PPEF1: variants seen among roughly 807,000 people sequenced by gnomAD.
PPEF1 encodes the protein protein phosphatase with EF-hand domain 1.
A neutral mutation model predicts 53.3 loss-of-function variants in PPEF1; 12 were observed. That is an observed-to-expected ratio of 0.23 (90% CI 0.14 to 0.36). The LOEUF is 0.36. Among genes scored for constraint, PPEF1 ranks in the 10% least tolerant of loss-of-function variants. The pLI is 1.00. For synonymous variants in PPEF1, 165 were observed against 176.7 expected (o/e 0.93, Z 0.52); for missense variants, 334 against 490.4 (o/e 0.68, Z 3.01).
At chrX:18,821,627 G>C (rs2047048717) in intron 13 of PPEF1, among the ~76,000 whole-genome samples, 1 of 110,567 alleles carries the variant, frequency 9.0e-6, no homozygotes, top group Non-Finnish European at 1.9e-5. Context: ...AGCCAGGCTG[G>C]TCTGCAACTC....
At chrX:18,711,827 T>G (rs1467973195) in intron 1 of PPEF1, among the ~76,000 whole-genome samples, 1 of 105,486 alleles carries the variant, frequency 9.5e-6, no homozygotes, top group African/African-American at 3.5e-5. Flanking sequence ...CAATCTCAGC[T>G]CACTGCAACC....
chrX:18,729,790 A>G (rs1222437467), intron 1 of PPEF1, among the ~76,000 whole-genome samples: 2 of 112,494 alleles, frequency 1.8e-5, no homozygotes, highest in Non-Finnish European at 3.7e-5. Context: ...GGGTATACAT[A>G]GATTCATAGA....
At chrX:18,736,362 C>T (rs1301036278) in intron 3 of PPEF1, among the ~76,000 whole-genome samples, 1 of 111,743 alleles carries the variant, frequency 8.9e-6, no homozygotes, top group African/African-American at 3.3e-5. Context: ...TTGTCAAAGG[C>T]CTTTTCTGCA....
chrX:18,732,211 AG>A (rs1159129174), intron 2 of PPEF1, among the ~76,000 whole-genome samples: 2 of 112,914 alleles, frequency 1.8e-5, no homozygotes, highest in Non-Finnish European at 3.7e-5. Flanking sequence ...CTCATTCCGA[AG>A]AATATTCCAT....
chrX:18,687,845 T>A (rs1159934204), intron 3 of PPEF1, among the ~76,000 whole-genome samples: 1 of 110,443 alleles, frequency 9.1e-6, no homozygotes, highest in Non-Finnish European at 1.9e-5. Flanking sequence ...CACACCACCA[T>A]GCCTGGCTAA....
In PPEF1 at chrX:18,761,511, T is replaced by A; in HGVS notation, c.512-19T>A. ...CATCTTGTTCTCTACTGAATACTGATTTTTCATTTGCACTGCAGGTGATTT... is the reference window on the plus strand; with the variant it reads ...CATCTTGTTCTCTACTGAATACTGAATTTTCATTTGCACTGCAGGTGATTT... On this transcript the variant is annotated intron_variant, in intron 5 of 15. Coordinates refer to ENST00000470157, the MANE Select transcript of PPEF1 (RefSeq NM_001377996.1). The A allele has an allele frequency of 8.3e-7, 1 of 1,200,213 alleles. No homozygotes were observed. Among genetic ancestry groups the A allele is most frequent in the Non-Finnish European group, 1.1e-6 (1 of 884,927 alleles).
intron 1 of PPEF1, among the ~76,000 whole-genome samples, chrX:18,677,555 C>A (rs1459335490): frequency 8.9e-6 from 1 of 111,740 alleles, no homozygotes; most frequent in Non-Finnish European, 1.9e-5. Flanking sequence ...GTCCAGAATA[C>A]GTGTCCACTT....
At chrX:18,794,963 G>A (rs2046401650) in intron 10 of PPEF1, among the ~76,000 whole-genome samples, 1 of 112,302 alleles carries the variant, frequency 8.9e-6, no homozygotes, top group African/African-American at 3.2e-5. Context: ...TTCTCCATAT[G>A]CTGTATGCCA....
Position 18,733,899 on chromosome X carries a change from A to T in PPEF1, c.235+91A>T, listed in dbSNP as rs761667524. The T allele has an allele frequency of 1.5e-5, 11 of 731,056 alleles. No individual in the cohort carries two copies. The South Asian group carries it at 3.6e-4, about 24-fold the overall frequency. The allele number at this position is 731,056 out of a possible 1,213,427, so 60.2% of individuals were successfully genotyped here. Reference sequence around the variant, plus strand: ...TAAATTCTGAAGATGGGAGAACACTATGAAATTAAAAAGATGCCTACCTCT... The same window carrying T: ...TAAATTCTGAAGATGGGAGAACACTTTGAAATTAAAAAGATGCCTACCTCT... On this transcript the variant is annotated intron_variant, in intron 3 of 15. Transcript: ENST00000470157.
At chrX:18,726,477 G>C (rs932193311) in intron 1 of PPEF1, among the ~76,000 whole-genome samples, 2 of 111,323 alleles carry the variant, frequency 1.8e-5, no homozygotes, top group African/African-American at 6.5e-5. Context: ...AAGAGCCAGA[G>C]GACCTGAGTT....
intron 10 of PPEF1, among the ~76,000 whole-genome samples, chrX:18,797,820 G>A (rs1342160460): frequency 9.0e-6 from 1 of 111,205 alleles, no homozygotes; most frequent in East Asian, 2.8e-4. Context: ...TCCTGCCTCA[G>A]CCTCCTAAGT....
At chrX:18,678,881 G>A (rs750108105), upstream of PPEF1, among the ~76,000 whole-genome samples, 9 of 110,351 alleles carry the variant, frequency 8.2e-5, no homozygotes, top group Non-Finnish European at 1.1e-4. Flanking sequence ...CCACCCCAGC[G>A]ACCTCATTCA....
At chrX:18,756,830 A>G (rs1205971886) in intron 4 of PPEF1, among the ~76,000 whole-genome samples, 1 of 112,391 alleles carries the variant, frequency 8.9e-6, no homozygotes, top group African/African-American at 3.2e-5. Context: ...CCTTTAGACA[A>G]CAGTTACTCT....
chrX:18,824,695 G>A (rs1326299657), intron 14 of PPEF1, among the ~76,000 whole-genome samples: 2 of 109,911 alleles, frequency 1.8e-5, no homozygotes, highest in East Asian at 5.9e-4. Context: ...GTGGAGTCTC[G>A]CTCTGTTGCC....
At chrX:18,822,220 C>A (rs1158305890) in intron 13 of PPEF1, among the ~76,000 whole-genome samples, 1 of 111,690 alleles carries the variant, frequency 9.0e-6, no homozygotes, top group East Asian at 2.8e-4. Context: ...ACACCAGAAC[C>A]AGAAAGAAAA....
At chrX:18,780,919 A>T (rs911700137) in intron 7 of PPEF1, among the ~76,000 whole-genome samples, 1 of 109,454 alleles carries the variant, frequency 9.1e-6, no homozygotes, top group Admixed American at 9.8e-5. Flanking sequence ...AGCCGGGCAT[A>T]GTGGCGGGCG....
At chrX:18,816,132 A>T (rs939754516) in intron 12 of PPEF1, among the ~76,000 whole-genome samples, 4 of 110,193 alleles carry the variant, frequency 3.6e-5, no homozygotes, top group Non-Finnish European at 7.6e-5. Context: ...TTTTTAATAT[A>T]GGCATCTATA....
intron 4 of PPEF1, among the ~76,000 whole-genome samples, 167 bp from the exon 5 acceptor site, chrX:18,757,460 A>G (rs1312300907): frequency 9.0e-6 from 1 of 111,343 alleles, no homozygotes; most frequent in Non-Finnish European, 1.9e-5. Flanking sequence ...AGGGCTTATT[A>G]TATGCCAGAC....
chrX:18,743,395 C>T (rs1266679689), intron 3 of PPEF1, among the ~76,000 whole-genome samples: 3 of 109,163 alleles, frequency 2.7e-5, no homozygotes, highest in African/African-American at 1.0e-4. Flanking sequence ...TTTGCATTTC[C>T]CTTTGAGCAG....
Sources: allele counts gnomAD v4.1 joint callset (sites outside exome capture counted in the v4.1 genomes callset), GRCh38; gene constraint gnomAD v4.1.1; transcripts MANE v1.5; gene names NCBI Gene and HGNC (gene_info 2026-07-23, HGNC 2026-07-21).